ZNF594: variants seen among roughly 807,000 people sequenced by gnomAD.
ZNF594 encodes the protein zinc finger protein 594.
For missense variants in ZNF594, 1,037 were observed against 964.6 expected (o/e 1.08, Z -0.99); for synonymous variants, 336 against 309.4 (o/e 1.09, Z -0.90).
rs375620571 is a variant in ZNF594, at chr17:5,183,831, C to G, written c.426G>C (p.Leu142=). 1 of 1,613,884 alleles carries G rather than the reference C, an allele frequency of 6.2e-7. No individual in the cohort carries two copies. Among genetic ancestry groups the G allele is most frequent in the African/African-American group, 1.3e-5 (1 of 74,888 alleles). Residue 142 remains leucine, a synonymous_variant, in exon 2 of 2, where the codon CTG becomes CTC. Transcript: ENST00000575779. ...CTGTATGAATTCTCTGATGTATGAT[C>G]AGGTTTGAACTCCTGTTGAAGGTTT... ...CEKTFNRSSN[L]IIHQRIHTGN...
rs1400797629 is a variant in ZNF594, at chr17:5,180,260, G to A, written c.*1573C>T. ...TATTTTTAGTAGAGACGGGGTTTTAGTATGTTGGCTGGGCATAGTAACTCC... is the reference window on the plus strand; with the variant it reads ...TATTTTTAGTAGAGACGGGGTTTTAATATGTTGGCTGGGCATAGTAACTCC... On this transcript the variant is annotated 3_prime_UTR_variant, in exon 2 of 2. Coordinates refer to ENST00000575779, the MANE Select transcript of ZNF594 (RefSeq NM_032530.2). 6.6e-6 allele frequency: 1 copy of A among 151,916 alleles called. No individual in the cohort carries two copies. The highest frequency in any genetic ancestry group is 1.5e-5 in the Non-Finnish European group (1 of 68,018). 9.4% of individuals were successfully genotyped at this position (151,916 alleles called of 1,614,324 possible).
chr17:5,185,723 T>TGGG (rs199860055), intron 1 of ZNF594, among the ~76,000 whole-genome samples: 6 of 152,148 alleles, frequency 3.9e-5, no homozygotes, highest in Admixed American at 6.5e-5. Flanking sequence ...CTAGATATAA[T>TGGG]GGGGGTACAG....
rs114610274 is a variant in ZNF594, at chr17:5,190,376, A to G, written c.-21+1372T>C. On this transcript the variant is annotated intron_variant, in intron 1 of 1. Coordinates refer to ENST00000575779, the MANE Select transcript of ZNF594 (RefSeq NM_032530.2). ...AGCGAGACTCTGTCTTAAGAAAAAA[A>G]AGGAAGTTGGCCATTAATTCAAATA... 7.4e-3 allele frequency among the ~76,000 whole-genome samples: 1,120 copies of G among 152,338 alleles called. 20 individuals are homozygous for G. Among genetic ancestry groups the G allele is most frequent in the African/African-American group, 0.025 (1,035 of 41,572 alleles).
At chr17:5,174,633 A>C (rs1208099538), downstream of ZNF594, 1 of 196,040 alleles carries the variant, frequency 5.1e-6, no homozygotes, top group Non-Finnish European at 1.1e-5. Flanking sequence ...TGTCCCATTA[A>C]AAAGTGGAAG....
the ZNF594 span, chr17:5,174,402 G>A: frequency 5.2e-6 from 1 of 190,926 alleles, no homozygotes; most frequent in East Asian, 8.3e-5. Flanking sequence ...AAGCATTTGT[G>A]TTCTGATATC....
At chr17:5,175,314 CAGGAG>C (rs1356489979), downstream of ZNF594, among the ~76,000 whole-genome samples, 2 of 152,208 alleles carry the variant, frequency 1.3e-5, no homozygotes, top group African/African-American at 4.8e-5. Flanking sequence ...GCCATTCTCA[CAGGAG>C]AAAGAACCCT....
chr17:5,181,503 T>C lies in ZNF594; in HGVS notation c.*330A>G, dbSNP rs777172431. The C allele has an allele frequency of 5.8e-5, 93 of 1,613,780 alleles. No individual in the cohort carries two copies. Among genetic ancestry groups the C allele is most frequent in the Non-Finnish European group, 7.5e-5 (89 of 1,179,848 alleles). ...TTTCTCTCCAGCATGCAGTCTCTGA[T>C]GTTTGAGGAAAGCTGTGTGCCACAT... On this transcript the variant is annotated 3_prime_UTR_variant, in exon 2 of 2. Transcript: ENST00000575779.
chr17:5,175,919 G>A (rs528563169), downstream of ZNF594, among the ~76,000 whole-genome samples: 2 of 152,192 alleles, frequency 1.3e-5, no homozygotes, highest in African/African-American at 4.8e-5. Flanking sequence ...ATTAAATGAA[G>A]GACACAAACC....
rs1362321566 is a variant in ZNF594 at position 5,183,738 on chromosome 17, A to C, written c.519T>G (p.His173Gln). 6.2e-7 allele frequency: 1 copy of C among 1,610,720 alleles called. No individual in the cohort carries two copies. The highest frequency in any genetic ancestry group is 1.1e-5 in the South Asian group (1 of 91,062). ...DSNQSSNLII[H>Q]QRIHTGKKPY... Reference sequence around the variant, plus strand: ...GTTTCTTTCCTGTATGAATTCTCTGATGTATAATAAGATTTGAACTTTGAT... The same window carrying C: ...GTTTCTTTCCTGTATGAATTCTCTGCTGTATAATAAGATTTGAACTTTGAT... Residue 173 changes from histidine (H) to glutamine (Q), a missense_variant, in exon 2 of 2, where the codon CAT becomes CAG. By Grantham distance (24) the His-to-Gln change is conservative. Transcript: ENST00000575779.
intron 1 of ZNF594, among the ~76,000 whole-genome samples, chr17:5,184,740 C>T (rs529126268): frequency 1.8e-4 from 28 of 152,288 alleles, no homozygotes; most frequent in African/African-American, 6.3e-4. Context: ...AACAGCACAC[C>T]GGTACCAGGA....
chr17:5,190,900 G>A (rs746960745), intron 1 of ZNF594, among the ~76,000 whole-genome samples: 7 of 152,130 alleles, frequency 4.6e-5, no homozygotes, highest in African/African-American at 7.2e-5. Flanking sequence ...TCCTGGGGAC[G>A]CGCTCGGTGG....
chr17:5,177,408 A>G (rs1384721250), downstream of ZNF594, among the ~76,000 whole-genome samples: 1 of 151,978 alleles, frequency 6.6e-6, no homozygotes, highest in African/African-American at 2.4e-5. Context: ...ATAACATCAC[A>G]TTGAAAAATA....
chr17:5,184,858 T>C (rs1225262766), intron 1 of ZNF594, among the ~76,000 whole-genome samples: 1 of 152,160 alleles, frequency 6.6e-6, no homozygotes. Context: ...GAATCCAGCT[T>C]TGTAACAAAA....
Position 5,182,763 on chromosome 17 carries a change from C to T in ZNF594, c.1494G>A (p.Arg498=). ...GATGTTGAATAAGGAGTGAACGCCG[C>T]CTGAAGGCTTTCCCACATTCAGTGC... is the stretch of plus-strand genomic sequence containing the variant. ...YQCTECGKAF[R]RRSLLIQHRR... Residue 498 remains arginine (R), a synonymous_variant, in exon 2 of 2, where the codon AGG becomes AGA. Coordinates refer to ENST00000575779, the MANE Select transcript of ZNF594 (RefSeq NM_032530.2). 6.2e-7 allele frequency: 1 copy of T among 1,614,006 alleles called. No homozygotes were observed. Among genetic ancestry groups the T allele is most frequent in the Non-Finnish European group, 8.5e-7 (1 of 1,179,990 alleles).
chr17:5,184,460 G>T, intron 1 of ZNF594, 184 bp from the exon 2 acceptor site: 1 of 646,968 alleles, frequency 1.5e-6, no homozygotes, highest in Non-Finnish European at 2.5e-6. Context: ...ATACCCTGTT[G>T]GTGAAAAAAC....
rs1178223834 is a variant in ZNF594 at position 5,182,120 on chromosome 17, A to G, written c.2137T>C (p.Cys713Arg). ...SGEKPYECKE[C>R]GKLFMWHTAF... ...GTGTGCCACATGAAGAGTTTCCCAC[A>G]TTCCTTACATTCATAGGGTTTCTCA... The change falls in exon 2 of 2, where the codon TGT (cysteine) becomes CGT (arginine). Residue 713 changes from cysteine (C) to arginine (R), a missense_variant. Cys to Arg is a radical substitution (Grantham distance 180). Coordinates refer to ENST00000575779, the MANE Select transcript of ZNF594 (RefSeq NM_032530.2). The G allele has an allele frequency of 2.5e-6, 4 of 1,613,606 alleles. No individual in the cohort carries two copies. The Admixed American group carries it at 6.7e-5, about 27-fold the overall frequency.
In ZNF594 at chr17:5,183,206, C is replaced by G. The variant is rs1245078788; in HGVS notation, c.1051G>C (p.Glu351Gln). 1 of 1,614,012 alleles carries G rather than the reference C, an allele frequency of 6.2e-7. No homozygotes were observed. The highest frequency in any genetic ancestry group is 1.1e-5 in the South Asian group (1 of 91,082). Residue 351 changes from glutamate (E) to glutamine (Q), a missense_variant, in exon 2 of 2, where the codon GAA becomes CAA. Glu to Gln is a conservative substitution (Grantham distance 29). Transcript: ENST00000575779. ...TTGCTGAAGGTTTTCTCACATTCTT[C>G]AATTTTCTCTCCAGCATGCAATCTC... Reference protein sequence around the residue: ...HQRLHAGEKIEECEKTFSKDE... With the variant: ...HQRLHAGEKIQECEKTFSKDE...
intron 1 of ZNF594, among the ~76,000 whole-genome samples, chr17:5,185,184 T>C (rs2074378174): frequency 6.6e-6 from 1 of 152,236 alleles, no homozygotes. Flanking sequence ...TAGTCCGTTT[T>C]CATGCTGCTG....
At position 5,179,723 on chromosome 17, in the gene ZNF594, G is replaced by A. The variant is rs922801283; in HGVS notation, c.*2110C>T. On this transcript the variant is annotated 3_prime_UTR_variant, in exon 2 of 2. Transcript: ENST00000575779. The stretch of plus-strand genomic sequence containing the variant: ...TCAAAAAGCCTAACATAGACGATAT[G>A]TTTGCCCACAAAAGGAATAAAAAGA... 7 of 152,024 alleles carry A rather than the reference G, an allele frequency of 4.6e-5. No individual in the cohort carries two copies. Among genetic ancestry groups the A allele is most frequent in the African/African-American group, 1.7e-4 (7 of 41,402 alleles). The allele number at this position is 152,024 out of a possible 1,614,324, so 9.4% of individuals were successfully genotyped here.
Sources: gnomAD v4.1 joint callset for allele counts (sites outside exome capture counted in the v4.1 genomes callset) on GRCh38, gnomAD v4.1.1 for gene constraint, MANE v1.5 for transcripts, NCBI Gene and HGNC (gene_info 2026-07-23, HGNC 2026-07-21) for gene names.